Variants in SENP6 observed in about 807,000 individuals in gnomAD.
The protein encoded by SENP6 is SUMO specific peptidase 6.
SENP6 carries 41 observed loss-of-function variants against 134.5 expected under a neutral mutation model. The observed-to-expected ratio is 0.30, with a 90% CI of 0.24 to 0.40. The LOEUF (loss-of-function observed/expected upper bound fraction) is 0.40, where lower values mean the gene tolerates loss of function less well. Ranked by LOEUF, SENP6 falls within the 10% of genes least tolerant of loss-of-function variation. SENP6 has a pLI of 1.00. For synonymous variants in SENP6, 395 were observed against 429.8 expected (o/e 0.92, Z 1.00); for missense variants, 1,248 against 1,312.5 (o/e 0.95, Z 0.76).
At chr6:75,690,641 C>T (rs1366783477) in intron 16 of SENP6, among the ~76,000 whole-genome samples, 1 of 152,016 alleles carries the variant, frequency 6.6e-6, no homozygotes, top group Non-Finnish European at 1.5e-5. Context: ...CTGAACTCTA[C>T]ACTCAGAATG....
At chr6:75,602,692 CGAGGGAT>C in intron 1 of SENP6, 116 bp downstream of exon 1, 3 of 1,059,900 alleles carry the variant, frequency 2.8e-6, no homozygotes, top group Non-Finnish European at 4.2e-6. Context: ...CGGTGAAGTA[CGAGGGAT>C]GAGCGATGAC....
intron 3 of SENP6, among the ~76,000 whole-genome samples, chr6:75,629,452 A>G (rs2149835022): frequency 6.6e-6 from 1 of 152,244 alleles, no homozygotes; most frequent in South Asian, 2.1e-4. Context: ...GGCGTATGCC[A>G]CCATGTCTGG....
intron 16 of SENP6, among the ~76,000 whole-genome samples, chr6:75,685,220 C>T (rs1010632081): frequency 2.0e-5 from 3 of 152,186 alleles, no homozygotes; most frequent in African/African-American, 7.2e-5. Context: ...GTTTGTACTT[C>T]TGTGGGATCA....
chr6:75,658,868 A>T (rs1196016763), intron 7 of SENP6, among the ~76,000 whole-genome samples: 1 of 147,054 alleles, frequency 6.8e-6, no homozygotes, highest in African/African-American at 2.5e-5. Context: ...GCTAGTTTGG[A>T]GGCTGAGGTG....
At position 75,666,744 on chromosome 6, in the gene SENP6, G is replaced by T; in HGVS notation, c.1027G>T (p.Asp343Tyr). ...GTCCAGTGATGATGATGATGACAACGACAGAACTAACAGAAGAGAAAGCAT... is the reference window on the plus strand; with the variant it reads ...GTCCAGTGATGATGATGATGACAACTACAGAACTAACAGAAGAGAAAGCAT... ...ILSSDDDDDN[D>Y]RTNRRESISP... Residue 343 changes from aspartate to tyrosine, a missense_variant, in exon 10 of 24, where the codon GAC becomes TAC. Physicochemically the swap from Asp to Tyr is radical, Grantham distance 160 (BLOSUM62 -3). Around this residue, in one of 3 missense-constraint regions of SENP6, gnomAD observed 733 missense variants for 725.4 expected, o/e 1.01. Coordinates refer to ENST00000447266, the MANE Select transcript of SENP6 (RefSeq NM_015571.4). 1 of 1,595,668 alleles carries T rather than the reference G, an allele frequency of 6.3e-7. No homozygotes were observed. The highest frequency in any genetic ancestry group is 1.1e-5 in the South Asian group (1 of 88,438).
At chr6:75,627,989 T>C (rs758555772) in intron 3 of SENP6, among the ~76,000 whole-genome samples, 3 of 152,212 alleles carry the variant, frequency 2.0e-5, no homozygotes, top group East Asian at 1.9e-4. Context: ...AGATTTCTTA[T>C]GATTTTTTGT....
chr6:75,709,402 C>A, intron 19 of SENP6, 125 bp from the exon 20 acceptor site: 1 of 588,576 alleles, frequency 1.7e-6, no homozygotes, highest in Non-Finnish European at 3.0e-6. Context: ...ATATTACACA[C>A]TAAGGCAGAT....
intron 7 of SENP6, among the ~76,000 whole-genome samples, chr6:75,648,708 C>G (rs942627694): frequency 3.9e-5 from 6 of 152,212 alleles, no homozygotes; most frequent in Non-Finnish European, 8.8e-5. Flanking sequence ...AGTGACTACT[C>G]TCTTCAGCAT....
chr6:75,703,821 C>T (rs1775208088), intron 19 of SENP6, among the ~76,000 whole-genome samples: 1 of 152,018 alleles, frequency 6.6e-6, no homozygotes, highest in Non-Finnish European at 1.5e-5. Context: ...TCCCATTGTG[C>T]CCTTTTTGTA....
At chr6:75,699,663 T>A (rs952064252) in intron 18 of SENP6, among the ~76,000 whole-genome samples, 2 of 149,022 alleles carry the variant, frequency 1.3e-5, no homozygotes, top group Admixed American at 6.7e-5. Context: ...AATTTTTGTA[T>A]TTTTTTTTAG....
chr6:75,603,440 T>G (rs1482753589), intron 1 of SENP6, among the ~76,000 whole-genome samples: 2 of 152,238 alleles, frequency 1.3e-5, no homozygotes, highest in Admixed American at 1.3e-4. Context: ...GTTTACACTT[T>G]GTTTAGCAAA....
At chr6:75,629,409 C>T (rs1380762672) in intron 3 of SENP6, among the ~76,000 whole-genome samples, 2 of 152,196 alleles carry the variant, frequency 1.3e-5, no homozygotes, top group African/African-American at 2.4e-5. Context: ...AAGCAATTCT[C>T]TTGCCTCAGC....
intron 1 of SENP6, among the ~76,000 whole-genome samples, chr6:75,604,413 C>T (rs551981271): frequency 6.6e-6 from 1 of 152,336 alleles, no homozygotes; most frequent in East Asian, 1.9e-4. Flanking sequence ...AGGCGGATCA[C>T]TTGAGGCCAG....
intron 3 of SENP6, 49 bp downstream of exon 3, chr6:75,624,009 A>G (rs374944444): frequency 2.1e-5 from 30 of 1,420,316 alleles, no homozygotes; most frequent in Non-Finnish European, 2.7e-5. Context: ...ATACAAAAAA[A>G]TTGTTACCTC....
intron 9 of SENP6, among the ~76,000 whole-genome samples, chr6:75,666,245 AAT>A (rs1276483718): frequency 2.0e-5 from 3 of 147,404 alleles, no homozygotes; most frequent in Admixed American, 6.8e-5. Flanking sequence ...TGATATATAA[AAT>A]ATATATACGA....
At chr6:75,649,794 C>CG (rs1770731975) in intron 7 of SENP6, among the ~76,000 whole-genome samples, 1 of 152,146 alleles carries the variant, frequency 6.6e-6, no homozygotes, top group Non-Finnish European at 1.5e-5. Context: ...GGATTACACG[C>CG]GTCAGCCACC....
intron 16 of SENP6, among the ~76,000 whole-genome samples, chr6:75,693,149 C>T (rs565271444): frequency 2.6e-5 from 4 of 152,086 alleles, no homozygotes; most frequent in Admixed American, 6.5e-5. Flanking sequence ...CCTATAATCC[C>T]AGCATTTTGG....
chr6:75,691,146 T>A (rs1774220350), intron 16 of SENP6, among the ~76,000 whole-genome samples: 1 of 151,346 alleles, frequency 6.6e-6, no homozygotes, highest in Admixed American at 6.6e-5. Context: ...AGCTAAAATT[T>A]TTTTTTTTTT....
chr6:75,714,802 TG>T (rs57018518), intron 23 of SENP6, among the ~76,000 whole-genome samples: 3,442 of 152,308 alleles, frequency 0.023, 57 homozygotes, highest in East Asian at 0.11. Flanking sequence ...AATACTTTTT[TG>T]TTGCTTCTAT....
Sources: gnomAD v4.1 joint callset for allele counts (sites outside exome capture counted in the v4.1 genomes callset) on GRCh38, gnomAD v4.1.1 for gene constraint, gnomAD v4.1.1 regional missense constraint, MANE v1.5 for transcripts, NCBI Gene and HGNC (gene_info 2026-07-23, HGNC 2026-07-21) for gene names.